ZBTB8A: variants seen among roughly 807,000 people sequenced by gnomAD.
The protein encoded by ZBTB8A is zinc finger and BTB domain containing 8A.
A neutral mutation model predicts 37.8 loss-of-function variants in ZBTB8A; 19 were observed. That is an observed-to-expected ratio of 0.50 (90% CI 0.35 to 0.74). The LOEUF (loss-of-function observed/expected upper bound fraction) is 0.74. Ranked by LOEUF, ZBTB8A falls within the 30% of genes least tolerant of loss-of-function variation. The pLI is 0.01. For missense variants in ZBTB8A, 394 were observed against 537.8 expected, an observed-to-expected ratio of 0.73 and a Z score of 2.65; for synonymous variants, 181 against 185.2, an observed-to-expected ratio of 0.98 and a Z score of 0.19.
intron 2 of ZBTB8A, among the ~76,000 whole-genome samples, chr1:32,571,436 G>T (rs943923335): frequency 6.6e-6 from 1 of 152,060 alleles, no homozygotes; most frequent in African/African-American, 2.4e-5. Context: ...TGTTTGTTCT[G>T]TGTCTGTTGA....
At chr1:32,580,362 A>G (rs1025416062) in intron 2 of ZBTB8A, among the ~76,000 whole-genome samples, 4 of 151,984 alleles carry the variant, frequency 2.6e-5, no homozygotes, top group African/African-American at 9.7e-5. Flanking sequence ...GTTCGAGACA[A>G]GCCTGGCCAA....
chr1:32,591,410 G>A (rs1644487348), intron 2 of ZBTB8A, among the ~76,000 whole-genome samples: 1 of 151,878 alleles, frequency 6.6e-6, no homozygotes, highest in African/African-American at 2.4e-5. Flanking sequence ...GTAGAGACAG[G>A]GTCTTGCTAT....
intron 2 of ZBTB8A, among the ~76,000 whole-genome samples, chr1:32,562,428 C>T (rs780574152): frequency 6.6e-6 from 1 of 151,722 alleles, no homozygotes; most frequent in Non-Finnish European, 1.5e-5. Context: ...TGCGCCACCA[C>T]GCCTGGCTAA....
At chr1:32,545,763 A>C (rs1488553859) in intron 1 of ZBTB8A, among the ~76,000 whole-genome samples, 1 of 152,190 alleles carries the variant, frequency 6.6e-6, no homozygotes, top group Non-Finnish European at 1.5e-5. Context: ...CTCTGGCTAG[A>C]ACGCCTTTTG....
rs1026677028 is a variant in ZBTB8A, at chr1:32,600,339, G to A, written c.1246G>A (p.Gly416Arg). 1.9e-6 allele frequency: 3 copies of A among 1,614,134 alleles called. No homozygotes were observed. The East Asian group carries it at 6.7e-5, about 36-fold the overall frequency. ...NRSYVEIVED[G>R]SADLVIQQVD... ...ATCCTATGTGGAGATTGTAGAAGAT[G>A]GGTCTGCTGATCTGGTCATCCAACA... The change falls in exon 5 of 5, where the codon GGG becomes AGG. Residue 416 changes from glycine (G) to arginine (R), a missense_variant. This residue lies in a region of ZBTB8A where 85 missense variants were observed against 89.0 expected (regional missense o/e 0.95). Transcript: ENST00000373510.
chr1:32,580,689 C>G (rs1419477541), intron 2 of ZBTB8A, among the ~76,000 whole-genome samples: 3 of 152,110 alleles, frequency 2.0e-5, no homozygotes, highest in Non-Finnish European at 2.9e-5. Context: ...AACTGGACTT[C>G]TAGGAATCAA....
At chr1:32,575,793 G>A (rs1398573748) in intron 2 of ZBTB8A, among the ~76,000 whole-genome samples, 1 of 151,904 alleles carries the variant, frequency 6.6e-6, no homozygotes, top group Non-Finnish European at 1.5e-5. Context: ...TCAAGGTTAC[G>A]GTAAAGCTAT....
intron 4 of ZBTB8A, among the ~76,000 whole-genome samples, chr1:32,597,904 G>A (rs985942958): frequency 2.7e-5 from 4 of 150,432 alleles, no homozygotes; most frequent in Non-Finnish European, 5.9e-5. Flanking sequence ...CACATATCCG[G>A]CTAATTTTTT....
Position 32,580,550 on chromosome 1 carries a change from GA to G in ZBTB8A, c.-1-12368del, listed in dbSNP as rs112268131. 1.4e-3 allele frequency among the ~76,000 whole-genome samples: 190 copies of G among 136,764 alleles called. 1 individual carries two copies. Among genetic ancestry groups the G allele is most frequent in the Middle Eastern group, 3.8e-3 (1 of 262 alleles). The allele number at this position is 136,764 out of a possible 152,430, so 89.7% of individuals were successfully genotyped here. On this transcript the variant is annotated intron_variant, in intron 2 of 4. Coordinates refer to ENST00000373510, the MANE Select transcript of ZBTB8A (RefSeq NM_001040441.3). ...TGGGCAACAGAGTAAGATTCTGTCT[GA>G]AAAAAAAAAAAAGAGAATTTTCAGG...
At chr1:32,558,161 A>G (rs1232803674) in intron 2 of ZBTB8A, among the ~76,000 whole-genome samples, 2 of 152,180 alleles carry the variant, frequency 1.3e-5, no homozygotes, top group African/African-American at 4.8e-5. Flanking sequence ...GAAGTAGGGA[A>G]GTAGGAAGGC....
At chr1:32,585,185 T>C (rs1033926096) in intron 2 of ZBTB8A, among the ~76,000 whole-genome samples, 1 of 151,170 alleles carries the variant, frequency 6.6e-6, no homozygotes, top group Admixed American at 6.6e-5. Flanking sequence ...TATGTGCCAT[T>C]TTCTTATTTT....
At chr1:32,541,300 C>T (rs143271421) in intron 1 of ZBTB8A, among the ~76,000 whole-genome samples, 1 of 152,296 alleles carries the variant, frequency 6.6e-6, no homozygotes, top group Non-Finnish European at 1.5e-5. Flanking sequence ...CTCTCATGAT[C>T]TGCTTTCCCT....
rs1020052321 is a variant in ZBTB8A, at chr1:32,602,574, G to T, written c.*2155G>T. The T allele has an allele frequency of 6.6e-6, 1 of 151,298 alleles. No homozygotes were observed. Among genetic ancestry groups the T allele is most frequent in the Admixed American group, 6.6e-5 (1 of 15,166 alleles). 9.4% of individuals were successfully genotyped at this position (151,298 alleles called of 1,614,324 possible). A position where few individuals can be genotyped will look rare whatever the true frequency, so the allele number is the denominator to read the frequency against. ...TTTGTTTTTGTTTTTTTTTCGAGAC[G>T]GAGTCTCGCTCTGTCGCCCAGGCTG... On this transcript the variant is annotated 3_prime_UTR_variant, in exon 5 of 5. Transcript: ENST00000373510.
intron 2 of ZBTB8A, among the ~76,000 whole-genome samples, chr1:32,581,839 G>C (rs867572568): frequency 2.8e-4 from 42 of 152,270 alleles, no homozygotes; most frequent in Middle Eastern, 6.8e-3. Flanking sequence ...CAGGGCGGCA[G>C]GATGGAGTGA....
At chr1:32,570,905 T>C (rs1644317970) in intron 2 of ZBTB8A, among the ~76,000 whole-genome samples, 1 of 151,882 alleles carries the variant, frequency 6.6e-6, no homozygotes, top group South Asian at 2.1e-4. Flanking sequence ...AGACTGAGTC[T>C]CGCTCTGTCA....
intron 2 of ZBTB8A, among the ~76,000 whole-genome samples, chr1:32,559,460 T>TTTTTG (rs1320094407): frequency 6.7e-6 from 1 of 150,216 alleles, no homozygotes; most frequent in Non-Finnish European, 1.5e-5. Context: ...TGACAGTATT[T>TTTTTG]TTTTGTTTTG....
At chr1:32,557,217 A>G (rs1257129927) in intron 2 of ZBTB8A, among the ~76,000 whole-genome samples, 1 of 151,968 alleles carries the variant, frequency 6.6e-6, no homozygotes, top group Non-Finnish European at 1.5e-5. Flanking sequence ...CAGGAGAATC[A>G]CTTGAACCTG....
chr1:32,550,630 A>C (rs1258732373), intron 1 of ZBTB8A, among the ~76,000 whole-genome samples: 1 of 151,538 alleles, frequency 6.6e-6, no homozygotes, highest in Non-Finnish European at 1.5e-5. Flanking sequence ...GCAAAAACAA[A>C]AAGAAAAAGG....
intron 2 of ZBTB8A, among the ~76,000 whole-genome samples, chr1:32,587,539 G>A (rs1042760963): frequency 5.3e-5 from 8 of 152,056 alleles, no homozygotes; most frequent in African/African-American, 1.9e-4. Context: ...CCAGCATTTA[G>A]GGAGGCCAAG....
Sources: allele counts gnomAD v4.1 joint callset (sites outside exome capture counted in the v4.1 genomes callset), GRCh38; gene constraint gnomAD v4.1.1; regional missense constraint gnomAD v4.1.1; transcripts MANE v1.5; gene names NCBI Gene and HGNC (gene_info 2026-07-23, HGNC 2026-07-21).